GALNT18: variants seen among roughly 807,000 people sequenced by gnomAD.
GALNT18 encodes GalNAc-transferase 18.
GALNT18 carries 44 observed loss-of-function variants against 69.5 expected under a neutral mutation model. The ratio of observed to expected loss-of-function variants is 0.63; its 90% CI spans 0.50 to 0.81. GALNT18 has a LOEUF of 0.81. Ranked by LOEUF, GALNT18 falls within the 40% of genes least tolerant of loss-of-function variation. The probability of loss-of-function intolerance (pLI) is 0.00; values close to 1 mark genes in which losing one functional copy is unlikely to be tolerated. For synonymous variants in GALNT18, 364 were observed against 318.2 expected, an observed-to-expected ratio of 1.14 and a Z score of -1.53; for missense variants, 715 against 810.0, an observed-to-expected ratio of 0.88 and a Z score of 1.42.
intron 2 of GALNT18, among the ~76,000 whole-genome samples, chr11:11,447,473 G>C (rs987397373): frequency 3.3e-5 from 5 of 152,202 alleles, no homozygotes; most frequent in Non-Finnish European, 7.3e-5. Flanking sequence ...CTGTGAAGCA[G>C]GGGTTTCTGT....
At chr11:11,478,065 T>A (rs1316273071) in intron 1 of GALNT18, among the ~76,000 whole-genome samples, 1 of 152,154 alleles carries the variant, frequency 6.6e-6, no homozygotes, top group Non-Finnish European at 1.5e-5. Context: ...AAATCTATAT[T>A]TGGGGTTGTT....
intron 1 of GALNT18, among the ~76,000 whole-genome samples, chr11:11,490,177 T>C (rs1348849212): frequency 1.3e-5 from 2 of 151,216 alleles, no homozygotes; most frequent in Non-Finnish European, 2.9e-5. Flanking sequence ...AAAGGGCAAG[T>C]TTGGCCTCTT....
chr11:11,444,077 G>A lies in GALNT18; in HGVS notation c.428+4667C>T, dbSNP rs975071830. Among the ~76,000 whole-genome samples, 2 of 152,176 alleles carry A rather than the reference G, an allele frequency of 1.3e-5. No homozygotes were observed. Among genetic ancestry groups the A allele is most frequent in the African/African-American group, 4.8e-5 (2 of 41,426 alleles). ...CCCCCAAAGTTCAAAGATCCCAGAT[G>A]TCTCTCTAGAGTCTGGACTGTTAAA... On this transcript the variant is annotated intron_variant, in intron 2 of 10. Coordinates refer to ENST00000227756, the MANE Select transcript of GALNT18 (RefSeq NM_198516.3). This position sits in a 1 kb window ranked among gnomAD's most constrained non-coding sequence, Gnocchi z 4.4.
intron 1 of GALNT18, among the ~76,000 whole-genome samples, chr11:11,553,680 T>TC (rs5789691): frequency 0.25 from 38,248 of 150,946 alleles, 6,103 homozygotes; most frequent in South Asian, 0.39. Context: ...AGCACCAAGC[T>TC]CCCCCCCAGC....
In GALNT18 at chr11:11,316,648, C is replaced by T. The variant is rs556433574; in HGVS notation, c.1512+10438G>A. Among the ~76,000 whole-genome samples, 143 of 152,230 alleles carry T rather than the reference C, an allele frequency of 9.4e-4. 1 individual carries two copies. The highest frequency in any genetic ancestry group is 3.4e-3 in the Middle Eastern group (1 of 294). Reference sequence around the variant, plus strand: ...CGCTTTCATCTTTCTTCTCCTATAACCAACAATTTACCTTTCCATAGAAAA... The same window carrying T: ...CGCTTTCATCTTTCTTCTCCTATAATCAACAATTTACCTTTCCATAGAAAA... On this transcript the variant is annotated intron_variant, in intron 9 of 10. Transcript: ENST00000227756.
chr11:11,557,176 G>C (rs908237443), intron 1 of GALNT18, among the ~76,000 whole-genome samples: 1 of 152,164 alleles, frequency 6.6e-6, no homozygotes, highest in African/African-American at 2.4e-5. Flanking sequence ...AGGTAGAAGA[G>C]TCTCTGAGTC....
At chr11:11,557,929 C>T (rs924882785) in intron 1 of GALNT18, among the ~76,000 whole-genome samples, 3 of 152,168 alleles carry the variant, frequency 2.0e-5, no homozygotes, top group African/African-American at 4.8e-5. Context: ...TCAAACTCAA[C>T]TGAAGAACGA....
At chr11:11,615,598 C>T (rs1312836806) in intron 1 of GALNT18, among the ~76,000 whole-genome samples, 3 of 152,114 alleles carry the variant, frequency 2.0e-5, no homozygotes, top group East Asian at 3.9e-4. Context: ...CACCATCATC[C>T]CTCACAAAAA....
chr11:11,547,892 C>T (rs1858098509), intron 1 of GALNT18, among the ~76,000 whole-genome samples: 2 of 152,184 alleles, frequency 1.3e-5, no homozygotes, highest in Non-Finnish European at 2.9e-5. Context: ...ATCTACCATT[C>T]CTGGAACGTA....
intron 9 of GALNT18, among the ~76,000 whole-genome samples, chr11:11,298,286 C>T (rs1022460434): frequency 6.6e-5 from 10 of 152,254 alleles, no homozygotes; most frequent in African/African-American, 1.4e-4. Context: ...TAGTTTTGTG[C>T]GCCTAGCAGT....
intron 3 of GALNT18, among the ~76,000 whole-genome samples, chr11:11,381,974 T>C (rs1384603874): frequency 1.3e-5 from 2 of 152,216 alleles, no homozygotes; most frequent in South Asian, 4.1e-4. Flanking sequence ...AATAAGATTG[T>C]GAACTCCTGA....
chr11:11,335,274 A>T (rs1176802536), intron 7 of GALNT18, among the ~76,000 whole-genome samples: 2 of 152,124 alleles, frequency 1.3e-5, no homozygotes, highest in African/African-American at 2.4e-5. Flanking sequence ...AAGCTCAAGA[A>T]CTAGCCCTTT....
Position 11,582,052 on chromosome 11 carries a change from G to A in GALNT18, c.235+39307C>T, listed in dbSNP as rs961956364. Among the ~76,000 whole-genome samples, 1 of 151,768 alleles carries A rather than the reference G, an allele frequency of 6.6e-6. No individual in the cohort carries two copies. Among genetic ancestry groups the A allele is most frequent in the South Asian group, 2.1e-4 (1 of 4,806 alleles). ...GTATACATGAGGTTCCATGTATACT[G>A]TGTATTAGGAAAAACCAAGCAGAGG... On this transcript the variant is annotated intron_variant, in intron 1 of 10. Coordinates refer to ENST00000227756, the MANE Select transcript of GALNT18 (RefSeq NM_198516.3). The surrounding 1 kb of genome is among the most constrained non-coding windows in gnomAD (Gnocchi z 5.0).
intron 1 of GALNT18, among the ~76,000 whole-genome samples, chr11:11,466,419 T>G (rs1279773533): frequency 6.6e-6 from 1 of 152,246 alleles, no homozygotes; most frequent in East Asian, 1.9e-4. Context: ...ATGTGCCACT[T>G]GACTTTCCCA....
At chr11:11,581,991 G>A (rs1380352101) in intron 1 of GALNT18, among the ~76,000 whole-genome samples, 1 of 152,078 alleles carries the variant, frequency 6.6e-6, no homozygotes, top group Non-Finnish European at 1.5e-5. Flanking sequence ...TTTACTGGAA[G>A]AGAAAGACAA....
At chr11:11,343,979 C>T (rs943691403) in intron 6 of GALNT18, among the ~76,000 whole-genome samples, 1 of 152,092 alleles carries the variant, frequency 6.6e-6, no homozygotes, top group Admixed American at 6.5e-5. Context: ...TTGTCTAGGC[C>T]GTCGTCATCA....
At position 11,586,567 on chromosome 11, in the gene GALNT18, G is replaced by A. The variant is rs113355405; in HGVS notation, c.235+34792C>T. On this transcript the variant is annotated intron_variant, in intron 1 of 10. Transcript: ENST00000227756. This position sits in a 1 kb window ranked among gnomAD's most constrained non-coding sequence, Gnocchi z 4.1. ...CCTGTTGACAGGCAGAAACCACCAG[G>A]AACCCTTTTGCTTAGGCTGTAGTCA... 0.03 allele frequency among the ~76,000 whole-genome samples: 4,573 copies of A among 152,114 alleles called. 215 individuals are homozygous for A. The highest frequency in any genetic ancestry group is 0.1 in the African/African-American group (4,321 of 41,468).
rs768856951 is a variant in GALNT18 at position 11,587,809 on chromosome 11, C to G, written c.235+33550G>C. The stretch of plus-strand genomic sequence containing the variant: ...AGCCCACCCCATCTCTAGCCCCCAC[C>G]CTTTCATTTCATGAACCTCTTCTAT... On this transcript the variant is annotated intron_variant, in intron 1 of 10. Coordinates refer to ENST00000227756, the MANE Select transcript of GALNT18 (RefSeq NM_198516.3). This position sits in a 1 kb window ranked among gnomAD's most constrained non-coding sequence, Gnocchi z 4.4. Among the ~76,000 whole-genome samples the G allele has an allele frequency of 6.6e-6, 1 of 152,078 alleles. No homozygotes were observed. Among genetic ancestry groups the G allele is most frequent in the Non-Finnish European group, 1.5e-5 (1 of 68,018 alleles).
chr11:11,324,811 T>C (rs2133041840), intron 9 of GALNT18, among the ~76,000 whole-genome samples: 1 of 152,346 alleles, frequency 6.6e-6, no homozygotes, highest in East Asian at 1.9e-4. Flanking sequence ...ATTTATCCTT[T>C]GTTGGATGCA....
Sources: allele counts gnomAD v4.1 joint callset (sites outside exome capture counted in the v4.1 genomes callset), GRCh38; gene constraint gnomAD v4.1.1; non-coding constraint Gnocchi (gnomAD v3.1); transcripts MANE v1.5; gene names NCBI Gene and HGNC (gene_info 2026-07-23, HGNC 2026-07-21).